ELAPOR2: variants seen among roughly 807,000 people sequenced by gnomAD.
The protein encoded by ELAPOR2 is endosome/lysosome-associated apoptosis and autophagy regulator family member 2.
A neutral mutation model predicts 120.7 loss-of-function variants in ELAPOR2; 89 were observed. The ratio of observed to expected loss-of-function variants is 0.74; its 90% CI spans 0.62 to 0.88. The LOEUF (loss-of-function observed/expected upper bound fraction) is 0.88. Ranked by LOEUF, ELAPOR2 falls within the 40% of genes least tolerant of loss-of-function variation. ELAPOR2 has a pLI of 0.00. For synonymous variants in ELAPOR2, 444 were observed against 444.9 expected (o/e 1.00, Z 0.03); for missense variants, 1,134 against 1,251.6 (o/e 0.91, Z 1.42).
At chr7:87,057,529 CTCA>C (rs1795300654) in intron 1 of ELAPOR2, among the ~76,000 whole-genome samples, 1 of 152,174 alleles carries the variant, frequency 6.6e-6, no homozygotes, top group Admixed American at 6.5e-5. Context: ...TTTATTTATT[CTCA>C]TTTTTCAGAA....
At chr7:86,979,641 G>A (rs1172239358) in intron 1 of ELAPOR2, among the ~76,000 whole-genome samples, 1 of 152,188 alleles carries the variant, frequency 6.6e-6, no homozygotes, top group African/African-American at 2.4e-5. Flanking sequence ...AATGTGGAGA[G>A]AATGCAAGAC....
chr7:86,983,227 T>C (rs367997628), intron 1 of ELAPOR2, among the ~76,000 whole-genome samples: 1 of 152,222 alleles, frequency 6.6e-6, no homozygotes, highest in Non-Finnish European at 1.5e-5. Flanking sequence ...TACCTGAAAG[T>C]GACGGGCAGA....
In ELAPOR2 at chr7:87,059,101, A is replaced by C. The variant is rs147124912; in HGVS notation, c.189+224T>G. Among the ~76,000 whole-genome samples, 5 of 152,022 alleles carry C rather than the reference A, an allele frequency of 3.3e-5. No individual in the cohort carries two copies. The East Asian group carries it at 9.7e-4, about 29-fold the overall frequency. ...GTCCTGCAGAGCCCCCAAAAGACAC[A>C]AGCGCGGACAGAAAAGCATCCCCCG... On this transcript the variant is annotated intron_variant, in intron 1 of 21. Transcript: ENST00000450689.
chr7:87,050,620 C>T (rs7798088), intron 1 of ELAPOR2, among the ~76,000 whole-genome samples: 86,060 of 151,992 alleles, frequency 0.57, 25,064 homozygotes, highest in East Asian at 0.76. Flanking sequence ...TACAGCAATG[C>T]GAGAACGGCC....
chr7:86,911,043 GAATA>G (rs955061088), intron 15 of ELAPOR2, among the ~76,000 whole-genome samples: 3 of 151,820 alleles, frequency 2.0e-5, no homozygotes, highest in African/African-American at 7.3e-5. Flanking sequence ...AAAGAAACAA[GAATA>G]AAAAGGAAGG....
At chr7:86,928,221 A>G (rs1790164431) in intron 8 of ELAPOR2, among the ~76,000 whole-genome samples, 1 of 151,970 alleles carries the variant, frequency 6.6e-6, no homozygotes, top group Admixed American at 6.6e-5. Flanking sequence ...TCTGTAAAAT[A>G]ATGGCTGCTC....
chr7:86,969,822 C>T (rs1792045035), intron 1 of ELAPOR2, among the ~76,000 whole-genome samples: 1 of 152,106 alleles, frequency 6.6e-6, no homozygotes, highest in African/African-American at 2.4e-5. Context: ...AAATGCGACC[C>T]TATTTTATTA....
chr7:86,887,099 C>T (rs931370950), intron 21 of ELAPOR2, among the ~76,000 whole-genome samples: 1 of 152,170 alleles, frequency 6.6e-6, no homozygotes, highest in African/African-American at 2.4e-5. Flanking sequence ...AAATTAAAGA[C>T]TGGCATTTCA....
chr7:86,933,227 C>G (rs937857580), intron 8 of ELAPOR2, among the ~76,000 whole-genome samples: 3 of 151,634 alleles, frequency 2.0e-5, no homozygotes, highest in African/African-American at 7.3e-5. Flanking sequence ...TCCACTTAAC[C>G]ATATCATTTA....
intron 3 of ELAPOR2, among the ~76,000 whole-genome samples, chr7:86,946,537 C>T (rs1207360802): frequency 6.6e-6 from 1 of 152,104 alleles, no homozygotes; most frequent in Admixed American, 6.5e-5. Flanking sequence ...CGGGCACCTG[C>T]CACCACGCCA....
At position 86,897,576 on chromosome 7, in the gene ELAPOR2, G is replaced by GCACT; in HGVS notation, c.2611_2614dup (p.Ala872GlufsTer3). On this transcript the variant is annotated frameshift_variant, in exon 19 of 22. Coordinates refer to ENST00000450689, the MANE Select transcript of ELAPOR2 (RefSeq NM_001142749.3). LOFTEE classifies it high-confidence loss of function. Reference sequence around the variant, plus strand: ...CTCCGTACACAGAGGGCAAGCTTCAGCACTCTCCCACAGGAAATAGAACGT... The same window carrying GCACT: ...CTCCGTACACAGAGGGCAAGCTTCAGCACTCACTCTCCCACAGGAAATAGAACGT... 1 of 1,613,400 alleles carries GCACT rather than the reference G, an allele frequency of 6.2e-7. No individual in the cohort carries two copies.
intron 2 of ELAPOR2, among the ~76,000 whole-genome samples, chr7:86,956,039 G>T (rs1377408344): frequency 7.9e-5 from 12 of 151,904 alleles, no homozygotes; most frequent in Non-Finnish European, 1.5e-4. Flanking sequence ...TGCCTTAAAA[G>T]TCACAGGATG....
Position 86,952,964 on chromosome 7 carries a change from C to T in ELAPOR2, c.311-5042G>A, listed in dbSNP as rs540366915. Among the ~76,000 whole-genome samples the T allele has an allele frequency of 1.1e-3, 164 of 151,976 alleles. 1 individual carries two copies. The highest frequency in any genetic ancestry group is 1.6e-3 in the Non-Finnish European group (109 of 67,966). On this transcript the variant is annotated intron_variant, in intron 2 of 21. Coordinates refer to ENST00000450689, the MANE Select transcript of ELAPOR2 (RefSeq NM_001142749.3). ...ACAAAAAGTTAGCCAGGCGAGGTGG[C>T]GCACACCTGTAATCTCAGCTACTTG...
intron 19 of ELAPOR2, among the ~76,000 whole-genome samples, chr7:86,895,681 G>A (rs950157653): frequency 6.6e-6 from 1 of 152,034 alleles, no homozygotes; most frequent in South Asian, 2.1e-4. Flanking sequence ...AATAAAATTA[G>A]AGAATTTGTT....
intron 18 of ELAPOR2, among the ~76,000 whole-genome samples, chr7:86,906,210 T>C (rs1040431052): frequency 3.9e-5 from 6 of 152,072 alleles, no homozygotes; most frequent in Admixed American, 3.9e-4. Flanking sequence ...TAGAAAATGA[T>C]GAAAGACACA....
rs965237191 is a variant in ELAPOR2, at chr7:86,990,277, C to T, written c.190-25253G>A. On this transcript the variant is annotated intron_variant, in intron 1 of 21. Transcript: ENST00000450689. ...CTTAGCCAGGATGGTCTCGATCTCC[C>T]GACCTCATGATCTGCCTGCCTCGGC... is the stretch of plus-strand genomic sequence containing the variant. Among the ~76,000 whole-genome samples, 3 of 152,040 alleles carry T rather than the reference C, an allele frequency of 2.0e-5. No homozygotes were observed. In the East Asian group the frequency reaches 5.8e-4, roughly 29 times the overall value.
At chr7:86,990,129 C>T (rs1293601425) in intron 1 of ELAPOR2, among the ~76,000 whole-genome samples, 1 of 152,184 alleles carries the variant, frequency 6.6e-6, no homozygotes, top group East Asian at 1.9e-4. Flanking sequence ...TCACTGCAAC[C>T]TCCGCCTCCT....
At chr7:87,057,979 T>C (rs1252921590) in intron 1 of ELAPOR2, among the ~76,000 whole-genome samples, 2 of 152,232 alleles carry the variant, frequency 1.3e-5, no homozygotes, top group Admixed American at 1.3e-4. Flanking sequence ...AATGGATTAT[T>C]CCCAGGTGAT....
intron 1 of ELAPOR2, among the ~76,000 whole-genome samples, chr7:87,002,554 A>G (rs945891557): frequency 2.6e-5 from 4 of 152,080 alleles, no homozygotes; most frequent in Non-Finnish European, 5.9e-5. Context: ...TTCCTCCATG[A>G]AGGCACACAA....
Sources: allele counts gnomAD v4.1 joint callset (sites outside exome capture counted in the v4.1 genomes callset), GRCh38; gene constraint gnomAD v4.1.1; transcripts MANE v1.5; gene names NCBI Gene and HGNC (gene_info 2026-07-23, HGNC 2026-07-21).